Variants in LHCGR observed in about 807,000 individuals in gnomAD.
The protein encoded by LHCGR is lutropin-choriogonadotropic hormone receptor.
A neutral mutation model predicts 60.7 loss-of-function variants in LHCGR; 55 were observed. The ratio of observed to expected loss-of-function variants is 0.91; its 90% confidence interval spans 0.73 to 1.13. The LOEUF is 1.13. Ranked by LOEUF, LHCGR falls within the 50% of genes most tolerant of loss-of-function variation. The probability of loss-of-function intolerance (pLI) is 0.00; values close to 1 mark genes in which losing one functional copy is unlikely to be tolerated. For missense variants in LHCGR, 862 were observed against 836.0 expected (o/e 1.03, Z -0.38); for synonymous variants, 337 against 316.5 (o/e 1.06, Z -0.69).
At chr2:48,752,997 T>TGGGGGGGGGGGGGGGGGGGGGGGG (rs1558909396) in intron 1 of LHCGR, among the ~76,000 whole-genome samples, 1 of 18,432 alleles carries the variant, frequency 5.4e-5, no homozygotes, top group Non-Finnish European at 9.8e-5. Context: ...GGGGGGGGGG[T>TGGGGGGGGGGGGGGGGGGGGGGGG]GGGGAAGGGA....
At chr2:48,729,962 A>G (rs554324277) in intron 2 of LHCGR, among the ~76,000 whole-genome samples, 1 of 152,336 alleles carries the variant, frequency 6.6e-6, no homozygotes, top group South Asian at 2.1e-4. Flanking sequence ...AACAATACAA[A>G]AATAAAGAAA....
rs1424483414 is a variant in LHCGR, at chr2:48,718,797, T to C, written c.536+4659A>G. Among the ~76,000 whole-genome samples the C allele has an allele frequency of 2.0e-5, 3 of 152,174 alleles. No homozygotes were observed. The East Asian group carries it at 5.8e-4, about 29-fold the overall frequency. On this transcript the variant is annotated intron_variant, in intron 6 of 10. Transcript: ENST00000294954. ...GGTTAGATGGGTAACTGTGACCTGG[T>C]TACTACTATGTGCTGCTGTAACTCT...
At chr2:48,732,801 T>C (rs183055807) in intron 1 of LHCGR, 6 of 526,850 alleles carry the variant, frequency 1.1e-5, no homozygotes, top group Middle Eastern at 6.5e-4. Context: ...GGAAATTTCA[T>C]TTCAGAAAAA....
At chr2:48,727,582 T>C (rs1668791494) in intron 3 of LHCGR, among the ~76,000 whole-genome samples, 1 of 152,264 alleles carries the variant, frequency 6.6e-6, no homozygotes, top group Admixed American at 6.5e-5. Context: ...TGTTTTAGCA[T>C]TACCTGGGAA....
At chr2:48,736,779 T>G (rs914019172) in intron 1 of LHCGR, among the ~76,000 whole-genome samples, 5 of 152,226 alleles carry the variant, frequency 3.3e-5, no homozygotes, top group Non-Finnish European at 4.4e-5. Flanking sequence ...TATAAAAACC[T>G]ATCAATTGGG....
At chr2:48,754,429 C>T (rs891671026) in intron 1 of LHCGR, among the ~76,000 whole-genome samples, 2 of 152,118 alleles carry the variant, frequency 1.3e-5, no homozygotes, top group African/African-American at 2.4e-5. Context: ...CTTTTAGATA[C>T]TCTTGTCTTT....
intron 2 of LHCGR, among the ~76,000 whole-genome samples, chr2:48,730,188 T>C (rs1244773860): frequency 6.6e-6 from 1 of 152,236 alleles, no homozygotes; most frequent in African/African-American, 2.4e-5. Context: ...TAATGTCTTT[T>C]CTTAACAACA....
chr2:48,729,340 C>T, intron 2 of LHCGR, 113 bp from the exon 3 acceptor site: 3 of 809,434 alleles, frequency 3.7e-6, no homozygotes, highest in Non-Finnish European at 6.4e-6. Flanking sequence ...CTGTGTCCCC[C>T]TGAAAAGAAC....
At chr2:48,730,540 A>G (rs1048547499) in intron 2 of LHCGR, among the ~76,000 whole-genome samples, 2 of 152,178 alleles carry the variant, frequency 1.3e-5, no homozygotes, top group African/African-American at 4.8e-5. Flanking sequence ...AGTCCAGTGG[A>G]TTGTTAAGAT....
chr2:48,702,063 AG>A (rs111580151), intron 8 of LHCGR, among the ~76,000 whole-genome samples: 4,999 of 152,214 alleles, frequency 0.033, 243 homozygotes, highest in African/African-American at 0.11. Context: ...CTGCTAGAGT[AG>A]GGTGTCGTGG....
At chr2:48,743,574 C>G (rs1669568904) in intron 1 of LHCGR, among the ~76,000 whole-genome samples, 1 of 152,158 alleles carries the variant, frequency 6.6e-6, no homozygotes, top group South Asian at 2.1e-4. Context: ...AGCATATAAA[C>G]AGAACCAAAG....
chr2:48,741,510 AG>A (rs1444888677), intron 1 of LHCGR, among the ~76,000 whole-genome samples: 1 of 152,140 alleles, frequency 6.6e-6, no homozygotes, highest in African/African-American at 2.4e-5. Flanking sequence ...AAACTCTACA[AG>A]CCAGAAGAGA....
chr2:48,718,563 C>T lies in LHCGR; in HGVS notation c.537-4509G>A, dbSNP rs181496999. The stretch of plus-strand genomic sequence containing the variant: ...CCCATTGCTAAAAGGCAAAGCATAC[C>T]GTTTTAGAAGATATCTTTTAGAAAA... On this transcript the variant is annotated intron_variant, in intron 6 of 10. Coordinates refer to ENST00000294954, the MANE Select transcript of LHCGR (RefSeq NM_000233.4). Among the ~76,000 whole-genome samples the T allele has an allele frequency of 9.7e-4, 147 of 152,074 alleles. 3 individuals are homozygous for T. The highest frequency in any genetic ancestry group is 2.8e-4 in the Non-Finnish European group (19 of 67,978).
At chr2:48,727,051 A>T (rs369114372) in intron 3 of LHCGR, among the ~76,000 whole-genome samples, 3 of 152,196 alleles carry the variant, frequency 2.0e-5, no homozygotes, top group African/African-American at 7.2e-5. Flanking sequence ...ATTTTGTTGT[A>T]ATTATTTCTA....
intron 1 of LHCGR, among the ~76,000 whole-genome samples, chr2:48,748,836 T>C (rs1196130709): frequency 6.6e-6 from 1 of 152,208 alleles, no homozygotes; most frequent in Admixed American, 6.5e-5. Context: ...GATTTCATCA[T>C]TGAGCCAATA....
intron 8 of LHCGR, among the ~76,000 whole-genome samples, chr2:48,704,875 G>A (rs995020885): frequency 3.9e-5 from 6 of 152,060 alleles, no homozygotes; most frequent in East Asian, 3.9e-4. Flanking sequence ...AGGGTTTTTT[G>A]TCTCTCTATC....
At position 48,698,533 on chromosome 2, in the gene LHCGR, G is replaced by A. The variant is rs1382181338; in HGVS notation, c.866+82C>T. On this transcript the variant is annotated intron_variant, in intron 9 of 10. Transcript: ENST00000294954. ...AAGAAGGTAGGGAGTGAAGGGGAGT[G>A]GAGCTGTCTACTCATTGACTATTTT... is the stretch of plus-strand genomic sequence containing the variant. The A allele has an allele frequency of 9.0e-6, 10 of 1,105,262 alleles. No individual in the cohort carries two copies. The Admixed American group carries it at 1.7e-4, about 19-fold the overall frequency. The allele number at this position is 1,105,262 out of a possible 1,614,324, so 68.5% of individuals were successfully genotyped here.
At chr2:48,748,240 C>T (rs773975092) in intron 1 of LHCGR, among the ~76,000 whole-genome samples, 1 of 152,166 alleles carries the variant, frequency 6.6e-6, no homozygotes, top group African/African-American at 2.4e-5. Flanking sequence ...GAGATGGTAT[C>T]TTTGGATCCT....
chr2:48,708,472 A>C (rs1667806264), intron 8 of LHCGR, among the ~76,000 whole-genome samples: 1 of 152,164 alleles, frequency 6.6e-6, no homozygotes, highest in South Asian at 2.1e-4. Flanking sequence ...ATGAAGTTAA[A>C]ATGAGTTTAT....
Sources: allele counts gnomAD v4.1 joint callset (sites outside exome capture counted in the v4.1 genomes callset), GRCh38; gene constraint gnomAD v4.1.1; transcripts MANE v1.5; gene names NCBI Gene and HGNC (gene_info 2026-07-23, HGNC 2026-07-21).